NRXN3: variants seen among roughly 807,000 people sequenced by gnomAD.
NRXN3 encodes neurexin 3, also known as neurexin III.
Under a neutral mutation model 137.6 loss-of-function variants are expected in NRXN3, and 32 were observed. That is an observed-to-expected ratio of 0.23 (90% CI 0.18 to 0.31). The LOEUF (loss-of-function observed/expected upper bound fraction) is 0.31. NRXN3 is among the 10% of genes least tolerant of loss of function. The pLI is 1.00. For missense variants in NRXN3, 1,574 were observed against 2,062.5 expected (o/e 0.76, Z 4.59); for synonymous variants, 798 against 784.5 (o/e 1.02, Z -0.29).
At chr14:79,846,572 A>G (rs543009541) in intron 20 of NRXN3, among the ~76,000 whole-genome samples, 14 of 152,328 alleles carry the variant, frequency 9.2e-5, no homozygotes, top group Non-Finnish European at 1.8e-4. Flanking sequence ...AATTGGTAAG[A>G]TAGTAGAATG....
chr14:79,420,141 G>C (rs1314125727), intron 15 of NRXN3, among the ~76,000 whole-genome samples: 2 of 152,146 alleles, frequency 1.3e-5, no homozygotes, highest in Non-Finnish European at 2.9e-5. Flanking sequence ...ATAGCTCTTG[G>C]AGTGTTCCAG....
intron 16 of NRXN3, among the ~76,000 whole-genome samples, chr14:79,530,485 G>GT (rs2097159696): frequency 6.6e-6 from 1 of 152,022 alleles, no homozygotes. Context: ...GGACAAAGAT[G>GT]GAGAAGGAAA....
chr14:79,289,258 TC>T (rs1422643229), intron 15 of NRXN3, among the ~76,000 whole-genome samples: 2 of 152,178 alleles, frequency 1.3e-5, no homozygotes, highest in East Asian at 3.9e-4. Context: ...CAGAGAAATC[TC>T]CCCTTATCCA....
At chr14:79,543,052 A>G (rs1210587262) in intron 16 of NRXN3, among the ~76,000 whole-genome samples, 1 of 152,162 alleles carries the variant, frequency 6.6e-6, no homozygotes, top group African/African-American at 2.4e-5. Flanking sequence ...CTAACTTATA[A>G]TTAGCCTGCG....
chr14:79,580,875 G>A (rs1417073957), intron 16 of NRXN3, among the ~76,000 whole-genome samples: 7 of 151,804 alleles, frequency 4.6e-5, no homozygotes, highest in African/African-American at 9.7e-5. Context: ...GGGTGTGCAC[G>A]GTATAAGAAA....
rs148089085 is a variant in NRXN3, at chr14:79,022,332, G to T, written c.3262+34191G>T. Among the ~76,000 whole-genome samples the T allele has an allele frequency of 9.9e-5, 15 of 152,256 alleles. No individual in the cohort carries two copies. The East Asian group carries it at 2.7e-3, about 27-fold the overall frequency. On this transcript the variant is annotated intron_variant, in intron 15 of 20. Coordinates refer to ENST00000335750, the MANE Select transcript of NRXN3 (RefSeq NM_001330195.2). ...ATGTGCAAATAGGAATTTAATAAAT[G>T]CTTCCCAATTCTTTTTTTTAAATTG...
intron 4 of NRXN3, among the ~76,000 whole-genome samples, chr14:78,422,475 C>T (rs1331035004): frequency 6.6e-6 from 1 of 152,114 alleles, no homozygotes; most frequent in Non-Finnish European, 1.5e-5. Flanking sequence ...GGTGGGGAGA[C>T]AGATCTAGTA....
intron 20 of NRXN3, among the ~76,000 whole-genome samples, chr14:79,833,003 A>T (rs2099328055): frequency 6.6e-6 from 1 of 152,180 alleles, no homozygotes; most frequent in South Asian, 2.1e-4. Flanking sequence ...ATTAAGTAGG[A>T]GAAACCTACT....
intron 15 of NRXN3, among the ~76,000 whole-genome samples, chr14:79,458,202 T>A (rs1264544979): frequency 6.6e-6 from 1 of 152,112 alleles, no homozygotes; most frequent in Non-Finnish European, 1.5e-5. Context: ...AATGGAGGAG[T>A]AACATAAAAC....
At chr14:79,431,608 A>C (rs377611692) in intron 15 of NRXN3, among the ~76,000 whole-genome samples, 1 of 152,182 alleles carries the variant, frequency 6.6e-6, no homozygotes, top group Non-Finnish European at 1.5e-5. Context: ...GAAGCTTTAA[A>C]AGAAATGAAT....
chr14:78,311,321 G>T (rs2077954744), intron 4 of NRXN3, among the ~76,000 whole-genome samples: 1 of 152,072 alleles, frequency 6.6e-6, no homozygotes, highest in Admixed American at 6.6e-5. Context: ...GCAGAGTTCT[G>T]CAACAGGGCC....
chr14:79,035,101 C>T (rs2099613956), intron 15 of NRXN3, among the ~76,000 whole-genome samples: 2 of 152,128 alleles, frequency 1.3e-5, no homozygotes, highest in African/African-American at 2.4e-5. Context: ...AGCTCTTTTA[C>T]ACTTTTATAA....
At chr14:78,482,726 T>C (rs1036049379) in intron 4 of NRXN3, among the ~76,000 whole-genome samples, 3 of 152,246 alleles carry the variant, frequency 2.0e-5, no homozygotes, top group African/African-American at 7.2e-5. Context: ...AGTGACCTTC[T>C]GGATTTGTTC....
chr14:79,552,165 C>T (rs1312114568), intron 16 of NRXN3, among the ~76,000 whole-genome samples: 1 of 152,166 alleles, frequency 6.6e-6, no homozygotes, highest in Non-Finnish European at 1.5e-5. Context: ...AATAGCAAAA[C>T]ACATTAACTA....
intron 15 of NRXN3, among the ~76,000 whole-genome samples, chr14:79,002,086 GCTAA>G (rs1449475162): frequency 6.6e-6 from 1 of 152,200 alleles, no homozygotes; most frequent in East Asian, 1.9e-4. Flanking sequence ...TAGAGTAGGG[GCTAA>G]CTGTGTAGAA....
chr14:79,256,525 T>C (rs2076609521), intron 15 of NRXN3, among the ~76,000 whole-genome samples: 1 of 152,176 alleles, frequency 6.6e-6, no homozygotes, highest in African/African-American at 2.4e-5. Context: ...CAGTTTAATT[T>C]GCTTTTTGAG....
chr14:78,681,239 A>G (rs1018567789), intron 6 of NRXN3, among the ~76,000 whole-genome samples: 10 of 152,208 alleles, frequency 6.6e-5, no homozygotes, highest in Admixed American at 2.0e-4. Context: ...GGAATCTGTC[A>G]GTTCTTAATG....
At chr14:78,965,098 A>T (rs2099414930) in intron 11 of NRXN3, among the ~76,000 whole-genome samples, 1 of 151,972 alleles carries the variant, frequency 6.6e-6, no homozygotes, top group South Asian at 2.1e-4. Context: ...GCCTCTAGGG[A>T]CTCAAAGCTT....
At chr14:78,861,374 A>T (rs950701590) in intron 10 of NRXN3, among the ~76,000 whole-genome samples, 1 of 152,114 alleles carries the variant, frequency 6.6e-6, no homozygotes, top group African/African-American at 2.4e-5. Flanking sequence ...AAGCATTAGA[A>T]TTTTTGTCTC....
Sources: gnomAD v4.1 joint callset for allele counts (sites outside exome capture counted in the v4.1 genomes callset) on GRCh38, gnomAD v4.1.1 for gene constraint, MANE v1.5 for transcripts, NCBI Gene and HGNC (gene_info 2026-07-23, HGNC 2026-07-21) for gene names.